SNTG1: variants seen among roughly 807,000 people sequenced by gnomAD.
SNTG1 encodes the protein gamma-1-syntrophin.
A neutral mutation model predicts 74.7 loss-of-function variants in SNTG1; 39 were observed. The ratio of observed to expected loss-of-function variants is 0.52; its 90% CI spans 0.40 to 0.68. The LOEUF (loss-of-function observed/expected upper bound fraction) is 0.68. Ranked by LOEUF, SNTG1 falls within the 30% of genes least tolerant of loss-of-function variation. SNTG1 has a pLI of 0.00. For missense variants in SNTG1, 685 were observed against 609.5 expected (o/e 1.12, Z -1.30); for synonymous variants, 254 against 217.1 (o/e 1.17, Z -1.49).
chr8:49,970,306 A>G (rs748094258), intron 1 of SNTG1, among the ~76,000 whole-genome samples: 6 of 152,124 alleles, frequency 3.9e-5, no homozygotes, highest in Admixed American at 6.6e-5. Flanking sequence ...CTGCAAACAG[A>G]CACATACACT....
chr8:50,118,365 G>A (rs2080894768), intron 1 of SNTG1, among the ~76,000 whole-genome samples: 1 of 152,110 alleles, frequency 6.6e-6, no homozygotes, highest in African/African-American at 2.4e-5. Context: ...AAATATGTTG[G>A]AAATGATAAG....
chr8:50,141,972 G>C (rs956551464), intron 1 of SNTG1, among the ~76,000 whole-genome samples: 1 of 152,048 alleles, frequency 6.6e-6, no homozygotes, highest in East Asian at 1.9e-4. Flanking sequence ...CTCACACATA[G>C]ATACAAATTA....
At chr8:50,767,050 C>A (rs894042889) in intron 18 of SNTG1, among the ~76,000 whole-genome samples, 1 of 151,870 alleles carries the variant, frequency 6.6e-6, no homozygotes, top group Admixed American at 6.6e-5. Flanking sequence ...TACAACGTTT[C>A]TTTCCTTTTC....
At chr8:50,262,634 C>A (rs1019311537) in intron 2 of SNTG1, among the ~76,000 whole-genome samples, 1 of 152,122 alleles carries the variant, frequency 6.6e-6, no homozygotes, top group Non-Finnish European at 1.5e-5. Context: ...TGGTCTCGAT[C>A]TCCTGACTTT....
At chr8:50,579,094 A>G (rs1406653722) in intron 12 of SNTG1, among the ~76,000 whole-genome samples, 4 of 152,166 alleles carry the variant, frequency 2.6e-5, no homozygotes, top group African/African-American at 7.2e-5. Flanking sequence ...CTTCCTTGAC[A>G]CTTGTTGAAT....
chr8:50,719,740 T>G (rs2095483186), intron 17 of SNTG1, among the ~76,000 whole-genome samples: 2 of 152,202 alleles, frequency 1.3e-5, no homozygotes, highest in Admixed American at 1.3e-4. Context: ...TGAAAAATTT[T>G]ACATGGCTAT....
At chr8:50,153,956 A>G (rs903271704) in intron 1 of SNTG1, among the ~76,000 whole-genome samples, 16 of 152,170 alleles carry the variant, frequency 1.1e-4, no homozygotes, top group African/African-American at 3.6e-4. Context: ...TTAAGTCTGC[A>G]GAGGTTTTTG....
chr8:50,454,107 T>C (rs940543462), intron 8 of SNTG1, among the ~76,000 whole-genome samples: 2 of 152,248 alleles, frequency 1.3e-5, no homozygotes, highest in African/African-American at 4.8e-5. Flanking sequence ...GCTATTCTCC[T>C]TACCACTGAA....
At chr8:50,745,040 G>T (rs570776423) in intron 17 of SNTG1, among the ~76,000 whole-genome samples, 4 of 151,996 alleles carry the variant, frequency 2.6e-5, no homozygotes, top group East Asian at 3.9e-4. Flanking sequence ...CAAAATAAAA[G>T]ATAGATAAAT....
At chr8:50,236,657 A>G (rs561592173) in intron 2 of SNTG1, among the ~76,000 whole-genome samples, 4 of 152,028 alleles carry the variant, frequency 2.6e-5, no homozygotes, top group South Asian at 2.1e-4. Context: ...TCACCGTGTT[A>G]GCCAGGATGG....
At chr8:50,641,577 C>T (rs544414448) in intron 13 of SNTG1, among the ~76,000 whole-genome samples, 1 of 152,264 alleles carries the variant, frequency 6.6e-6, no homozygotes, top group Admixed American at 6.5e-5. Flanking sequence ...TCCAATTAGC[C>T]TCCTTCCCTT....
intron 17 of SNTG1, among the ~76,000 whole-genome samples, chr8:50,714,212 G>A (rs2095469727): frequency 6.6e-6 from 1 of 152,068 alleles, no homozygotes; most frequent in South Asian, 2.1e-4. Flanking sequence ...TTTGGTACCA[G>A]TAACCATGCT....
chr8:50,568,088 T>C (rs2094526119), intron 12 of SNTG1, among the ~76,000 whole-genome samples: 1 of 152,144 alleles, frequency 6.6e-6, no homozygotes, highest in South Asian at 2.1e-4. Flanking sequence ...ATTCTACATA[T>C]GAATGAGCTC....
intron 2 of SNTG1, among the ~76,000 whole-genome samples, chr8:50,228,759 G>T (rs1005920643): frequency 6.6e-6 from 1 of 151,714 alleles, no homozygotes; most frequent in South Asian, 2.1e-4. Flanking sequence ...TAGAAAATAT[G>T]ACTTGTGAGA....
intron 13 of SNTG1, among the ~76,000 whole-genome samples, chr8:50,619,921 A>C (rs1401527046): frequency 3.3e-5 from 5 of 151,856 alleles, no homozygotes; most frequent in African/African-American, 4.8e-5. Flanking sequence ...AAAAAAAAAA[A>C]AAAAGCAAGC....
rs1316964614 is a variant in SNTG1 at position 50,485,941 on chromosome 8, T to C, written c.364-16837T>C. 9.3e-5 allele frequency among the ~76,000 whole-genome samples: 14 copies of C among 151,310 alleles called. No homozygotes were observed. In the East Asian group the frequency reaches 2.3e-3, roughly 25 times the overall value. On this transcript the variant is annotated intron_variant, in intron 8 of 18. Transcript: ENST00000642720. ...ATTAAATAGGGAATCCTGTCCCCAT[T>C]GCTTGTTTTTCTCAGGTTTGTCAAA...
intron 2 of SNTG1, among the ~76,000 whole-genome samples, chr8:50,289,831 A>C (rs2088992857): frequency 6.6e-6 from 1 of 152,184 alleles, no homozygotes. Context: ...GAAAAACTGC[A>C]GAGTTGCTTA....
chr8:49,935,119 A>G (rs1170386010), intron 1 of SNTG1, among the ~76,000 whole-genome samples: 1 of 151,800 alleles, frequency 6.6e-6, no homozygotes, highest in Non-Finnish European at 1.5e-5. Flanking sequence ...TGTAGGAAGC[A>G]TTTGAAAGTA....
chr8:50,149,660 A>T (rs150340138), intron 1 of SNTG1, among the ~76,000 whole-genome samples: 3,825 of 152,180 alleles, frequency 0.025, 179 homozygotes, highest in African/African-American at 0.085. Context: ...TCCTTTCCCC[A>T]TTTCTTGTTT....
Sources: allele counts gnomAD v4.1 joint callset (sites outside exome capture counted in the v4.1 genomes callset), GRCh38; gene constraint gnomAD v4.1.1; transcripts MANE v1.5; gene names NCBI Gene and HGNC (gene_info 2026-07-23, HGNC 2026-07-21).